SUGCT: variants seen among roughly 807,000 people sequenced by gnomAD.
The protein encoded by SUGCT is succinyl-CoA:glutarate-CoA transferase, also known as succinyl-CoA:glutarate CoA-transferase.
A neutral mutation model predicts 55.0 loss-of-function variants in SUGCT; 41 were observed. The observed-to-expected ratio is 0.74, with a 90% CI of 0.58 to 0.97. The LOEUF is 0.97. SUGCT is among the 50% of genes least tolerant of loss of function. The pLI is 0.00. For missense variants in SUGCT, 568 were observed against 547.8 expected (o/e 1.04, Z -0.37); for synonymous variants, 187 against 200.4 (o/e 0.93, Z 0.56).
At chr7:40,597,476 A>G (rs1270607692) in intron 12 of SUGCT, among the ~76,000 whole-genome samples, 1 of 152,054 alleles carries the variant, frequency 6.6e-6, no homozygotes, top group Non-Finnish European at 1.5e-5. Flanking sequence ...AAATAAGGTC[A>G]TGTGGTAGTC....
intron 12 of SUGCT, among the ~76,000 whole-genome samples, chr7:40,513,536 TCAC>T (rs1167009702): frequency 1.3e-5 from 2 of 152,142 alleles, no homozygotes; most frequent in East Asian, 1.9e-4. Context: ...TCTCAAATTG[TCAC>T]TAAAGTAGGG....
chr7:40,523,208 ATAT>A (rs1336182021), intron 12 of SUGCT, among the ~76,000 whole-genome samples: 7 of 152,132 alleles, frequency 4.6e-5, no homozygotes, highest in Non-Finnish European at 8.8e-5. Context: ...ATATTAGTGG[ATAT>A]TATTATTTCT....
intron 6 of SUGCT, among the ~76,000 whole-genome samples, chr7:40,205,485 T>A (rs201857580): frequency 2.7e-5 from 4 of 150,784 alleles, no homozygotes; most frequent in Non-Finnish European, 4.4e-5. Context: ...CTACTAAAAA[T>A]ACAAAATTAA....
chr7:40,689,408 C>T (rs559375253), intron 12 of SUGCT, among the ~76,000 whole-genome samples: 64 of 152,212 alleles, frequency 4.2e-4, no homozygotes, highest in Admixed American at 3.9e-4. Context: ...AGCAGAAAGA[C>T]CATAGTTTGT....
At chr7:40,446,019 A>T (rs896418024) in intron 9 of SUGCT, among the ~76,000 whole-genome samples, 1 of 151,986 alleles carries the variant, frequency 6.6e-6, no homozygotes, top group African/African-American at 2.4e-5. Flanking sequence ...AGATGAAGAG[A>T]TGTGTATTGT....
intron 8 of SUGCT, among the ~76,000 whole-genome samples, chr7:40,279,927 G>A (rs117508448): frequency 0.029 from 4,475 of 152,058 alleles, 88 homozygotes; most frequent in Non-Finnish European, 0.046. Context: ...TTTCAGCTGC[G>A]TGAGAATGAA....
intron 9 of SUGCT, among the ~76,000 whole-genome samples, chr7:40,344,791 T>C (rs1441873621): frequency 6.6e-6 from 1 of 152,200 alleles, no homozygotes; most frequent in East Asian, 1.9e-4. Flanking sequence ...TTTTGAAAAA[T>C]TTCCCTTTCC....
At chr7:40,420,362 A>G (rs1356202637) in intron 9 of SUGCT, among the ~76,000 whole-genome samples, 3 of 152,200 alleles carry the variant, frequency 2.0e-5, no homozygotes, top group Non-Finnish European at 4.4e-5. Context: ...TTTTTGAGAC[A>G]GAATCTTACT....
At chr7:40,752,633 G>A (rs1349698618) in intron 13 of SUGCT, among the ~76,000 whole-genome samples, 2 of 152,208 alleles carry the variant, frequency 1.3e-5, no homozygotes, top group Non-Finnish European at 2.9e-5. Flanking sequence ...TGGGATTACA[G>A]ATGTCAGCCA....
At chr7:40,909,959 T>C in the SUGCT span, among the ~76,000 whole-genome samples, 1 of 152,110 alleles carries the variant, frequency 6.6e-6, no homozygotes, top group South Asian at 2.1e-4. Context: ...ACTTCTTGAC[T>C]TGGGGTTCAA....
chr7:41,011,387 C>T, the SUGCT span, among the ~76,000 whole-genome samples: 4 of 152,206 alleles, frequency 2.6e-5, no homozygotes, highest in African/African-American at 9.6e-5. Context: ...AAGGTGGACA[C>T]AGATGCTGCT....
intron 12 of SUGCT, among the ~76,000 whole-genome samples, chr7:40,591,295 G>A (rs1797705965): frequency 1.3e-5 from 2 of 152,212 alleles, no homozygotes; most frequent in Non-Finnish European, 2.9e-5. Flanking sequence ...AACTGCAGAT[G>A]TGGTGGAAAT....
intron 11 of SUGCT, among the ~76,000 whole-genome samples, chr7:40,482,224 A>T (rs1583796569): frequency 6.6e-6 from 1 of 152,164 alleles, no homozygotes; most frequent in African/African-American, 2.4e-5. Context: ...CTTATGATAG[A>T]CCCTTATAGT....
chr7:40,170,637 G>A (rs1161933659), intron 1 of SUGCT, among the ~76,000 whole-genome samples: 2 of 152,060 alleles, frequency 1.3e-5, no homozygotes, highest in South Asian at 2.1e-4. Flanking sequence ...TCTGCTTATC[G>A]GATTAGTTAC....
chr7:40,939,032 A>G, the SUGCT span, among the ~76,000 whole-genome samples: 19 of 152,278 alleles, frequency 1.2e-4, no homozygotes, highest in African/African-American at 4.1e-4. Context: ...TTGGATACAT[A>G]CTATATTAGT....
At chr7:40,364,202 G>A (rs1482436438) in intron 9 of SUGCT, among the ~76,000 whole-genome samples, 3 of 152,102 alleles carry the variant, frequency 2.0e-5, no homozygotes, top group Non-Finnish European at 4.4e-5. Context: ...TTGAGCCTAT[G>A]TGTGTCTCTG....
At chr7:40,323,117 CTCTT>C (rs74812200) in intron 9 of SUGCT, among the ~76,000 whole-genome samples, 15,154 of 152,012 alleles carry the variant, frequency 0.1, 1,145 homozygotes, top group East Asian at 0.42. Flanking sequence ...CTGTTAATCT[CTCTT>C]CTTTTGACCC....
chr7:40,926,733 G>A, the SUGCT span, among the ~76,000 whole-genome samples: 1 of 152,172 alleles, frequency 6.6e-6, no homozygotes, highest in Non-Finnish European at 1.5e-5. Flanking sequence ...ACCCTGACCA[G>A]GAACTGAATC....
the SUGCT span, among the ~76,000 whole-genome samples, chr7:40,926,523 C>T: frequency 2.0e-5 from 3 of 151,988 alleles, no homozygotes; most frequent in Non-Finnish European, 4.4e-5. Flanking sequence ...TGTAATGGAC[C>T]AAATGTTTGT....
Sources: gnomAD v4.1 joint callset for allele counts (sites outside exome capture counted in the v4.1 genomes callset) on GRCh38, gnomAD v4.1.1 for gene constraint, MANE v1.5 for transcripts, NCBI Gene and HGNC (gene_info 2026-07-23, HGNC 2026-07-21) for gene names.